ATG16L2: variants seen among roughly 807,000 people sequenced by gnomAD.
The protein encoded by ATG16L2 is protein Atg16l2.
ATG16L2 carries 77 observed loss-of-function variants against 84.7 expected under a neutral mutation model. The observed-to-expected ratio is 0.91, with a 90% confidence interval of 0.76 to 1.10. The LOEUF (loss-of-function observed/expected upper bound fraction) is 1.10, where lower values mean the gene tolerates loss of function less well. Among genes scored for constraint, ATG16L2 ranks in the 50% least tolerant of loss-of-function variants. The pLI, the probability that ATG16L2 is intolerant of heterozygous loss-of-function variation, is 0.00. For synonymous variants in ATG16L2, 361 were observed against 342.8 expected (o/e 1.05, Z -0.59); for missense variants, 782 against 817.6 (o/e 0.96, Z 0.53).
chr11:72,835,780 C>T (rs541627703), intron 5 of ATG16L2, among the ~76,000 whole-genome samples: 98 of 148,538 alleles, frequency 6.6e-4, no homozygotes, highest in African/African-American at 2.3e-3. Flanking sequence ...CAGAGTTTCA[C>T]TCTTGTTCCC....
rs1026415683 is a variant in ATG16L2 at position 72,814,433 on chromosome 11, G to GTCTC, written c.-13_-12insTCTC. ...GGCGGGAGGAACGCGCCGCTAGGCG[G>GTCTC]GAGAGCGCGGCCATGGCGGGGCCGG... On this transcript the variant is annotated 5_prime_UTR_variant, in exon 1 of 18. Coordinates refer to ENST00000321297, the MANE Select transcript of ATG16L2 (RefSeq NM_033388.2). The GTCTC allele has an allele frequency of 8.2e-6, 12 of 1,461,726 alleles. No individual in the cohort carries two copies. Among genetic ancestry groups the GTCTC allele is most frequent in the Non-Finnish European group, 1.1e-5 (12 of 1,097,582 alleles). 90.5% of individuals were successfully genotyped at this position (1,461,726 alleles called of 1,614,324 possible).
At chr11:72,820,574 A>G (rs1303059718) in intron 3 of ATG16L2, among the ~76,000 whole-genome samples, 1 of 152,174 alleles carries the variant, frequency 6.6e-6, no homozygotes, top group Admixed American at 6.5e-5. Context: ...GGGGCCAACT[A>G]TGAATAAAGG....
At chr11:72,826,460 G>T (rs1187519123) in intron 11 of ATG16L2, 58 bp from the exon 12 acceptor site, 3 of 1,604,098 alleles carry the variant, frequency 1.9e-6, no homozygotes. Context: ...CTCATTCTGT[G>T]GCCCGAAGAA....
At chr11:72,835,807 G>A (rs1343853931) in intron 5 of ATG16L2, among the ~76,000 whole-genome samples, 1 of 148,264 alleles carries the variant, frequency 6.7e-6, no homozygotes, top group Non-Finnish European at 1.5e-5. Context: ...GGAGTGTAAT[G>A]GCACAATCTC....
intron 2 of ATG16L2, 106 bp from the exon 3 acceptor site, chr11:72,817,650 G>A (rs1188405100): frequency 1.1e-5 from 12 of 1,095,276 alleles, no homozygotes; most frequent in Admixed American, 2.0e-5. Context: ...TTCCCAGGAC[G>A]AAGTTAATGG....
At chr11:72,825,659 G>T (rs1396728815) in intron 10 of ATG16L2, among the ~76,000 whole-genome samples, 1 of 152,184 alleles carries the variant, frequency 6.6e-6, no homozygotes, top group East Asian at 1.9e-4. Flanking sequence ...GTCCCTGATG[G>T]GGATTGGTGG....
chr11:72,832,153 T>A (rs554104790), downstream of ATG16L2, among the ~76,000 whole-genome samples: 1 of 152,324 alleles, frequency 6.6e-6, no homozygotes, highest in East Asian at 1.9e-4. Flanking sequence ...ATTGCGTTTC[T>A]CCCTCATTTC....
In ATG16L2 at chr11:72,826,514, C is replaced by T; in HGVS notation, c.1174-4C>T. 1.9e-6 allele frequency: 3 copies of T among 1,614,072 alleles called. No individual in the cohort carries two copies. The highest frequency in any genetic ancestry group is 2.5e-6 in the Non-Finnish European group (3 of 1,180,010). On this transcript the variant is annotated splice_polypyrimidine_tract_variant and splice_region_variant and intron_variant, in intron 11 of 17. Transcript: ENST00000321297. The stretch of plus-strand genomic sequence containing the variant: ...ACCTCTCACTTCCTCTCCCATTTCT[C>T]CAGGGCTACCAGGTTTTAGCAGCAA...
chr11:72,841,362 A>T, intron 5 of ATG16L2: 1 of 1,124,930 alleles, frequency 8.9e-7, no homozygotes, highest in South Asian at 1.5e-5. Flanking sequence ...AAAAAAAAAA[A>T]AAGCAAATGC....
intron 1 of ATG16L2, among the ~76,000 whole-genome samples, chr11:72,815,621 A>G (rs1236500885): frequency 6.6e-6 from 1 of 152,132 alleles, no homozygotes; most frequent in East Asian, 1.9e-4. Context: ...CACATCGCTA[A>G]GCCTCAGTCT....
At chr11:72,839,768 T>G (rs1280896729) in intron 5 of ATG16L2, among the ~76,000 whole-genome samples, 1 of 152,108 alleles carries the variant, frequency 6.6e-6, no homozygotes, top group African/African-American at 2.4e-5. Context: ...CATCTGAAGC[T>G]CAAGAGAAGA....
intron 8 of ATG16L2, 123 bp downstream of exon 8, chr11:72,824,245 T>C: frequency 8.0e-7 from 1 of 1,242,500 alleles, no homozygotes; most frequent in East Asian, 2.3e-5. Context: ...CCTGTGAGTC[T>C]GTTGGGCCTT....
intron 3 of ATG16L2, chr11:72,818,803 C>T (rs1859824294): frequency 6.6e-6 from 1 of 152,136 alleles, no homozygotes; most frequent in Admixed American, 6.5e-5. Context: ...AAGACCTGGC[C>T]CCATGGGGCT....
At chr11:72,821,901 G>A in intron 4 of ATG16L2, 143 bp from the exon 5 acceptor site, 1 of 1,422,040 alleles carries the variant, frequency 7.0e-7, no homozygotes, top group Non-Finnish European at 9.2e-7. Flanking sequence ...GGCTCTGAGG[G>A]CGAAGGCTTG....
chr11:72,824,619 T>G, intron 8 of ATG16L2, 115 bp from the exon 9 acceptor site: 1 of 786,594 alleles, frequency 1.3e-6, no homozygotes. Flanking sequence ...CTTGGGGCCA[T>G]GTTCTGCCGC....
chr11:72,823,882 A>G lies in ATG16L2; in HGVS notation c.825-178A>G, dbSNP rs935232903. The G allele has an allele frequency of 3.8e-6, 3 of 784,114 alleles. No homozygotes were observed. In the African/African-American group the frequency reaches 5.1e-5, roughly 13 times the overall value. 48.6% of individuals were successfully genotyped at this position (784,114 alleles called of 1,614,324 possible). ...CATTACCAAATCCATTGCTGCCCCG[A>G]CCTTCCTGGGACTGATCTGGGTCAC... On this transcript the variant is annotated intron_variant, in intron 7 of 17. Transcript: ENST00000321297.
intron 1 of ATG16L2, among the ~76,000 whole-genome samples, chr11:72,815,251 C>A (rs1859641558): frequency 6.6e-6 from 1 of 152,208 alleles, no homozygotes; most frequent in Admixed American, 6.5e-5. Context: ...CACCTCTGGC[C>A]GCCTGCGATT....
At position 72,829,549 on chromosome 11, in the gene ATG16L2, G is replaced by T; in HGVS notation, c.*159G>T. On this transcript the variant is annotated 3_prime_UTR_variant, in exon 18 of 18. Transcript: ENST00000321297. ...CCTGTTTGTTTAAAAATGAAGTATG[G>T]GTTGGGGGATTACGCTAGTTTTTCT... 2.1e-6 allele frequency: 3 copies of T among 1,397,174 alleles called. No homozygotes were observed. The highest frequency in any genetic ancestry group is 2.8e-6 in the Non-Finnish European group (3 of 1,076,110). 86.5% of individuals were successfully genotyped at this position (1,397,174 alleles called of 1,614,324 possible).
intron 11 of ATG16L2, 39 bp downstream of exon 11, chr11:72,826,282 C>T (rs1356432473): frequency 6.2e-7 from 1 of 1,601,116 alleles, no homozygotes; most frequent in Non-Finnish European, 8.5e-7. Flanking sequence ...ATTGTGCCCT[C>T]TCTGATCTCC....
Sources: gnomAD v4.1 joint callset for allele counts (sites outside exome capture counted in the v4.1 genomes callset) on GRCh38, gnomAD v4.1.1 for gene constraint, MANE v1.5 for transcripts, NCBI Gene and HGNC (gene_info 2026-07-23, HGNC 2026-07-21) for gene names.